The following DDX46 variants were observed in gnomAD, a reference collection of about 807,000 sequenced individuals.
The protein encoded by DDX46 is probable ATP-dependent RNA helicase DDX46.
Under a neutral mutation model 134.9 loss-of-function variants are expected in DDX46, and 30 were observed. The observed-to-expected ratio is 0.22, with a 90% CI of 0.17 to 0.30. DDX46 has a LOEUF of 0.30. DDX46 is among the 10% of genes least tolerant of loss of function. The pLI, the probability that DDX46 is intolerant of heterozygous loss-of-function variation, is 1.00. For missense variants in DDX46, 622 were observed against 1,248.7 expected (o/e 0.50, Z 7.56); for synonymous variants, 415 against 404.1 (o/e 1.03, Z -0.32).
Position 134,788,473 on chromosome 5 carries a change from G to A in DDX46, c.1465-40G>A, listed in dbSNP as rs1302720208. The A allele has an allele frequency of 7.3e-6, 11 of 1,515,252 alleles. No homozygotes were observed. The Admixed American group carries it at 1.7e-4, about 24-fold the overall frequency. The allele number at this position is 1,515,252 out of a possible 1,614,324, so 93.9% of individuals were successfully genotyped here. ...GCAGTATTTTTTAGTGTTTAAGTAA[G>A]CATTAGTAATAGACTATAAAGTTTC... On this transcript the variant is annotated intron_variant, in intron 11 of 22. Coordinates refer to ENST00000452510, the MANE Select transcript of DDX46 (RefSeq NM_001300860.2).
At chr5:134,826,456 T>C (rs25783) in intron 21 of DDX46, 10,219 of 152,398 alleles carry the variant, frequency 0.067, 737 homozygotes, top group African/African-American at 0.19. Context: ...GTAATTAATT[T>C]CCTTTGCAAA....
intron 21 of DDX46, among the ~76,000 whole-genome samples, chr5:134,824,207 G>A (rs141119774): frequency 6.6e-6 from 1 of 152,260 alleles, no homozygotes; most frequent in African/African-American, 2.4e-5. Flanking sequence ...TTTACACTCA[G>A]GAAATAACGT....
chr5:134,796,869 AGGCC>A (rs1754669152), intron 15 of DDX46, among the ~76,000 whole-genome samples: 1 of 147,302 alleles, frequency 6.8e-6, no homozygotes, highest in African/African-American at 2.5e-5. Context: ...AAAAAAAAAA[AGGCC>A]AGGCGAGGTG....
At chr5:134,815,241 A>G (rs1755255402) in intron 18 of DDX46, among the ~76,000 whole-genome samples, 1 of 152,204 alleles carries the variant, frequency 6.6e-6, no homozygotes, top group Non-Finnish European at 1.5e-5. Flanking sequence ...TTGTAGTAAA[A>G]GAGCTTTGTA....
chr5:134,824,354 AGGCCGAAGCG>A (rs1755532957), intron 21 of DDX46, among the ~76,000 whole-genome samples: 2 of 152,222 alleles, frequency 1.3e-5, no homozygotes, highest in Non-Finnish European at 2.9e-5. Context: ...GCACTTTGGG[AGGCCGAAGCG>A]GGCGGATCAC....
intron 1 of DDX46, 89 bp downstream of exon 1, chr5:134,759,044 C>G: frequency 6.4e-7 from 1 of 1,561,230 alleles, no homozygotes; most frequent in Non-Finnish European, 8.6e-7. Context: ...CCGGGCCAGG[C>G]CTGGCGCGGC....
rs1754271645 is a variant in DDX46, at chr5:134,784,550, C to A, written c.1342+9C>A. On this transcript the variant is annotated intron_variant, in intron 10 of 22. Coordinates refer to ENST00000452510, the MANE Select transcript of DDX46 (RefSeq NM_001300860.2). ...AGGAGAGGGGCCAATAGGTACAATTCTTTTCATTAAACTATTTTTCAAATA... is the reference window on the plus strand; with the variant it reads ...AGGAGAGGGGCCAATAGGTACAATTATTTTCATTAAACTATTTTTCAAATA... The A allele has an allele frequency of 3.2e-6, 5 of 1,576,388 alleles. No homozygotes were observed. The highest frequency in any genetic ancestry group is 1.4e-5 in the African/African-American group (1 of 73,312).
At chr5:134,782,621 C>T (rs1010655611) in intron 8 of DDX46, among the ~76,000 whole-genome samples, 2 of 152,140 alleles carry the variant, frequency 1.3e-5, no homozygotes, top group African/African-American at 4.8e-5. Context: ...ACCACACCCC[C>T]CGTTCCCACC....
intron 16 of DDX46, among the ~76,000 whole-genome samples, chr5:134,810,781 G>A (rs963016878): frequency 9.2e-5 from 14 of 151,746 alleles, no homozygotes; most frequent in South Asian, 2.1e-4. Context: ...CAAGGCGGGC[G>A]GATCACCTGA....
intron 11 of DDX46, among the ~76,000 whole-genome samples, chr5:134,787,117 T>C (rs1196657698): frequency 2.0e-5 from 3 of 151,768 alleles, no homozygotes; most frequent in Non-Finnish European, 4.4e-5. Context: ...AGAGACGAGG[T>C]TTTGCCATGT....
rs538251960 is a variant in DDX46 at position 134,784,916 on chromosome 5, T to C, written c.1342+375T>C. 9.8e-5 allele frequency among the ~76,000 whole-genome samples: 15 copies of C among 152,356 alleles called. No homozygotes were observed. The South Asian group carries it at 3.1e-3, about 32-fold the overall frequency. On this transcript the variant is annotated intron_variant, in intron 10 of 22. Transcript: ENST00000452510. ...GGGAAACATATTTTCCTAGGTAGTT[T>C]TTGGCCTTAACAGGCTATAATGCCA...
chr5:134,820,083 G>A (rs1755400181), intron 21 of DDX46, among the ~76,000 whole-genome samples: 2 of 151,814 alleles, frequency 1.3e-5, no homozygotes, highest in Non-Finnish European at 2.9e-5. Context: ...CACCATGCCT[G>A]GCTCATTTTT....
chr5:134,804,728 T>C, intron 15 of DDX46: 1 of 244,798 alleles, frequency 4.1e-6, no homozygotes, highest in Non-Finnish European at 8.3e-6. Flanking sequence ...AACGTGTCAT[T>C]GCTATTTTTT....
rs886937184 is a variant in DDX46 at position 134,813,796 on chromosome 5, G to GT, written c.2436+1962dup. The stretch of plus-strand genomic sequence containing the variant: ...GCCCTGTTAATATATATTTTAAAAT[G>GT]TTTTTTTTTTTAGAGTCGAGGTCTC... On this transcript the variant is annotated intron_variant, in intron 18 of 22. Coordinates refer to ENST00000452510, the MANE Select transcript of DDX46 (RefSeq NM_001300860.2). Among the ~76,000 whole-genome samples, 206 of 144,100 alleles carry GT rather than the reference G, an allele frequency of 1.4e-3. 2 individuals carry two copies. Among genetic ancestry groups the GT allele is most frequent in the East Asian group, 0.014 (68 of 4,988 alleles). 94.5% of individuals were successfully genotyped at this position (144,100 alleles called of 152,430 possible). A position where few individuals can be genotyped will look rare whatever the true frequency, so the allele number is the denominator to read the frequency against.
chr5:134,810,186 T>G (rs1755102618), intron 16 of DDX46, among the ~76,000 whole-genome samples: 2 of 151,918 alleles, frequency 1.3e-5, no homozygotes, highest in South Asian at 4.2e-4. Flanking sequence ...GTGCTGGGAT[T>G]ACAGGTGTGA....
chr5:134,823,403 T>C (rs939473353), intron 21 of DDX46, among the ~76,000 whole-genome samples: 3 of 152,134 alleles, frequency 2.0e-5, no homozygotes, highest in African/African-American at 7.2e-5. Context: ...CCTCCCAAAG[T>C]GTTGGGATTA....
chr5:134,795,460 A>G (rs1754628425), intron 14 of DDX46, among the ~76,000 whole-genome samples: 1 of 152,190 alleles, frequency 6.6e-6, no homozygotes, highest in African/African-American at 2.4e-5. Flanking sequence ...ATCTGTGAAT[A>G]GCACCCTAGG....
intron 2 of DDX46, among the ~76,000 whole-genome samples, chr5:134,764,778 C>A (rs1753507316): frequency 6.6e-6 from 1 of 150,482 alleles, no homozygotes; most frequent in Non-Finnish European, 1.5e-5. Context: ...TTTTTTGCCA[C>A]CCTTGTTGAA....
intron 5 of DDX46, among the ~76,000 whole-genome samples, chr5:134,776,944 G>A (rs1178989870): frequency 2.0e-5 from 3 of 151,138 alleles, no homozygotes; most frequent in Non-Finnish European, 4.4e-5. Flanking sequence ...CAGGCGTGGT[G>A]GCTCACGCCT....
Sources: allele counts gnomAD v4.1 joint callset (sites outside exome capture counted in the v4.1 genomes callset), GRCh38; gene constraint gnomAD v4.1.1; transcripts MANE v1.5; gene names NCBI Gene and HGNC (gene_info 2026-07-23, HGNC 2026-07-21).